The following COX7B2 variants were observed in gnomAD, a reference collection of about 807,000 sequenced individuals.
COX7B2 encodes the protein cytochrome c oxidase subunit 7B2, also known as cytochrome c oxidase subunit 7B2, mitochondrial.
For synonymous variants in COX7B2, 37 were observed against 32.1 expected, an observed-to-expected ratio of 1.15 and a Z score of -0.51; for missense variants, 109 against 95.9, an observed-to-expected ratio of 1.14 and a Z score of -0.57.
intron 1 of COX7B2, among the ~76,000 whole-genome samples, chr4:46,847,083 G>T (rs988702319): frequency 2.0e-5 from 3 of 152,056 alleles, no homozygotes; most frequent in South Asian, 2.1e-4. Context: ...CCGTTGAGAT[G>T]TAAGAAGAAA....
intron 1 of COX7B2, among the ~76,000 whole-genome samples, chr4:46,888,144 G>A (rs1278528727): frequency 6.6e-6 from 1 of 152,156 alleles, no homozygotes; most frequent in African/African-American, 2.4e-5. Flanking sequence ...GAGAAGCAAA[G>A]CGGTGTCGCT....
intron 1 of COX7B2, among the ~76,000 whole-genome samples, chr4:46,900,224 G>A (rs1350832320): frequency 6.6e-6 from 1 of 152,094 alleles, no homozygotes; most frequent in Non-Finnish European, 1.5e-5. Flanking sequence ...TAAGAGCCAG[G>A]GCTTGGAGAC....
intron 1 of COX7B2, among the ~76,000 whole-genome samples, chr4:46,857,087 G>T (rs1717050043): frequency 6.6e-6 from 1 of 152,162 alleles, no homozygotes; most frequent in South Asian, 2.1e-4. Flanking sequence ...ACATAGTGAA[G>T]AAAACAAGCA....
intron 2 of COX7B2, among the ~76,000 whole-genome samples, chr4:46,773,286 G>T (rs963790240): frequency 1.3e-5 from 2 of 152,104 alleles, no homozygotes; most frequent in Non-Finnish European, 2.9e-5. Flanking sequence ...ACTGAATCAT[G>T]GGGGCAGTTA....
In COX7B2 at chr4:46,861,270, T is replaced by C. The variant is rs113577263; in HGVS notation, c.-104-16256A>G. 5.4e-3 allele frequency among the ~76,000 whole-genome samples: 830 copies of C among 152,346 alleles called. 7 individuals are homozygous for C. Among genetic ancestry groups the C allele is most frequent in the African/African-American group, 0.019 (771 of 41,588 alleles). ...CAGTTATCACTCCACTGCCCACTCA[T>C]ATCTCATCATTTACTTTTGTTGTAC... On this transcript the variant is annotated intron_variant, in intron 1 of 2. Coordinates refer to ENST00000355591, the MANE Select transcript of COX7B2 (RefSeq NM_130902.3).
At chr4:46,844,558 C>T (rs1372882484) in intron 2 of COX7B2, among the ~76,000 whole-genome samples, 5 of 151,892 alleles carry the variant, frequency 3.3e-5, no homozygotes, top group South Asian at 4.1e-4. Flanking sequence ...TTTTAAGACA[C>T]GTGGTGGTCT....
intron 1 of COX7B2, among the ~76,000 whole-genome samples, chr4:46,864,261 G>A (rs914899781): frequency 6.6e-6 from 1 of 152,044 alleles, no homozygotes; most frequent in Non-Finnish European, 1.5e-5. Flanking sequence ...ACCTATCCAG[G>A]ATTAAACCTG....
At chr4:46,858,634 T>C (rs1212246439) in intron 1 of COX7B2, among the ~76,000 whole-genome samples, 2 of 152,088 alleles carry the variant, frequency 1.3e-5, no homozygotes, top group African/African-American at 4.8e-5. Flanking sequence ...CTTAATAATT[T>C]GGGGGGAGTA....
At chr4:46,851,517 A>C (rs1716684883) in intron 1 of COX7B2, among the ~76,000 whole-genome samples, 2 of 152,094 alleles carry the variant, frequency 1.3e-5, no homozygotes, top group Admixed American at 1.3e-4. Context: ...ACAAAAGTAC[A>C]GGAAATTAAC....
At chr4:46,800,462 C>T (rs550204959) in intron 2 of COX7B2, among the ~76,000 whole-genome samples, 2 of 151,924 alleles carry the variant, frequency 1.3e-5, no homozygotes, top group African/African-American at 4.8e-5. Context: ...AAAGAACACA[C>T]CATCTGATCA....
intron 1 of COX7B2, among the ~76,000 whole-genome samples, chr4:46,865,602 G>A (rs1717620758): frequency 6.6e-6 from 1 of 152,020 alleles, no homozygotes; most frequent in Non-Finnish European, 1.5e-5. Flanking sequence ...TTCCTCCTAG[G>A]AAACACATCT....
chr4:46,825,769 A>G (rs1040891604), intron 2 of COX7B2, among the ~76,000 whole-genome samples: 7 of 152,268 alleles, frequency 4.6e-5, no homozygotes, highest in African/African-American at 1.7e-4. Flanking sequence ...TAACAAAAAC[A>G]AGCAATGGGG....
chr4:46,836,075 G>A (rs1715494884), intron 2 of COX7B2, among the ~76,000 whole-genome samples: 2 of 152,172 alleles, frequency 1.3e-5, no homozygotes, highest in Non-Finnish European at 2.9e-5. Flanking sequence ...CTCTGGGTGA[G>A]GCAGTGAGTG....
At chr4:46,860,941 C>T (rs1051451589) in intron 1 of COX7B2, among the ~76,000 whole-genome samples, 1 of 152,052 alleles carries the variant, frequency 6.6e-6, no homozygotes, top group East Asian at 1.9e-4. Context: ...GGATTTTGGC[C>T]TATGGTGAGG....
At chr4:46,756,931 C>T (rs901978322) in intron 2 of COX7B2, among the ~76,000 whole-genome samples, 1 of 152,024 alleles carries the variant, frequency 6.6e-6, no homozygotes, top group African/African-American at 2.4e-5. Flanking sequence ...AATCCAACTA[C>T]TGGGTATATA....
chr4:46,785,484 T>G (rs1318864925), intron 2 of COX7B2, among the ~76,000 whole-genome samples: 1 of 151,964 alleles, frequency 6.6e-6, no homozygotes, highest in Non-Finnish European at 1.5e-5. Context: ...GCCATTCTCC[T>G]GCCTCAGCCT....
In COX7B2 at chr4:46,754,728, G is replaced by GTATATATATA. The variant is rs56248005; in HGVS notation, c.-49-19497_-49-19488dup. On this transcript the variant is annotated intron_variant, in intron 2 of 2. Coordinates refer to ENST00000355591, the MANE Select transcript of COX7B2 (RefSeq NM_130902.3). ...TGTGTGTGTGTGTGTGTGTGTGTGT[G>GTATATATATA]TATATATATATATATATATATGAAA... Among the ~76,000 whole-genome samples the GTATATATATA allele has an allele frequency of 6.6e-3, 264 of 39,844 alleles. 21 individuals carry two copies. Among genetic ancestry groups the GTATATATATA allele is most frequent in the South Asian group, 0.037 (19 of 512 alleles). 26.1% of individuals were successfully genotyped at this position (39,844 alleles called of 152,430 possible). A position where few individuals can be genotyped will look rare whatever the true frequency, so the allele number is the denominator to read the frequency against.
intron 2 of COX7B2, among the ~76,000 whole-genome samples, chr4:46,801,643 A>G (rs1424519334): frequency 6.6e-6 from 1 of 152,168 alleles, no homozygotes; most frequent in Non-Finnish European, 1.5e-5. Context: ...GTGAAAAAAT[A>G]ATTTTTAAAC....
rs577204882 is a variant in COX7B2, at chr4:46,825,235, T to C, written c.-50+19725A>G. 3.6e-4 allele frequency among the ~76,000 whole-genome samples: 55 copies of C among 152,010 alleles called. No homozygotes were observed. The South Asian group carries it at 0.011, about 30-fold the overall frequency. On this transcript the variant is annotated intron_variant, in intron 2 of 2. Coordinates refer to ENST00000355591, the MANE Select transcript of COX7B2 (RefSeq NM_130902.3). ...AATCATTAGCATTCCTATACACCAA[T>C]GACAGCCAAACCGAGAGCCACATCA...
Sources: gnomAD v4.1 joint callset for allele counts (sites outside exome capture counted in the v4.1 genomes callset) on GRCh38, gnomAD v4.1.1 for gene constraint, MANE v1.5 for transcripts, NCBI Gene and HGNC (gene_info 2026-07-23, HGNC 2026-07-21) for gene names.